The following USP19 variants were observed in gnomAD, a reference collection of about 807,000 sequenced individuals.
The protein encoded by USP19 is ubiquitin specific peptidase 19, also known as ubiquitin carboxyl-terminal hydrolase 19.
In USP19, 40 loss-of-function variants were observed where a neutral mutation model predicts 144.8. That is an observed-to-expected ratio of 0.28 (90% CI 0.21 to 0.36). The LOEUF (loss-of-function observed/expected upper bound fraction) is 0.36. Ranked by LOEUF, USP19 falls within the 10% of genes least tolerant of loss-of-function variation. The pLI is 1.00. For synonymous variants in USP19, 701 were observed against 709.3 expected, an observed-to-expected ratio of 0.99 and a Z score of 0.19; for missense variants, 1,518 against 1,822.5, an observed-to-expected ratio of 0.83 and a Z score of 3.04.
intron 2 of USP19, among the ~76,000 whole-genome samples, chr3:49,118,812 A>G (rs963791287): frequency 6.6e-6 from 1 of 152,176 alleles, no homozygotes; most frequent in African/African-American, 2.4e-5. Context: ...AAAGAAGGCA[A>G]GCCCCCCAAC....
chr3:49,116,603 G>A lies in USP19; in HGVS notation c.1131C>T (p.Pro377=), dbSNP rs765357414. The A allele has an allele frequency of 1.1e-5, 17 of 1,613,908 alleles. No homozygotes were observed. The highest frequency in any genetic ancestry group is 8.3e-5 in the Admixed American group (5 of 59,988). ...AADAATLVDE[P]ESMVNLAFVK... is the part of the protein sequence containing the mutation. The stretch of plus-strand genomic sequence containing the variant: ...CAAACGCCAGGTTCACCATCGACTC[G>A]GGCTCTATATTGAGACCATGGCTCA... Residue 377 remains proline (P), a synonymous_variant, in exon 8 of 27, where the codon CCC becomes CCT. Transcript: ENST00000417901. This position sits in a 1 kb window ranked among gnomAD's most constrained non-coding sequence, Gnocchi z 5.0.
Position 49,114,203 on chromosome 3 carries a change from C to G in USP19, c.2374G>C (p.Ala792Pro). 1 of 1,614,128 alleles carries G rather than the reference C, an allele frequency of 6.2e-7. No homozygotes were observed. The highest frequency in any genetic ancestry group is 8.5e-7 in the Non-Finnish European group (1 of 1,180,014). ...KQKVLPVFYF[A>P]REPHSKPIKF... is the part of the protein sequence containing the mutation. Reference sequence around the variant, plus strand: ...ATGGGCTTGCTGTGGGGCTCTCGGGCAAAATAAAAGACAGGGAGAACCTTT... The same window carrying G: ...ATGGGCTTGCTGTGGGGCTCTCGGGGAAAATAAAAGACAGGGAGAACCTTT... Residue 792 changes from alanine (A) to proline (P), a missense_variant, in exon 16 of 27, where the codon GCC becomes CCC. By Grantham distance (27) the Ala-to-Pro change is conservative. Around this residue, in one of 5 missense-constraint regions of USP19, gnomAD observed 413 missense variants for 515.8 expected, o/e 0.80. Transcript: ENST00000417901. This position sits in a 1 kb window ranked among gnomAD's most constrained non-coding sequence, Gnocchi z 4.5.
Position 49,114,074 on chromosome 3 carries a change from T to C in USP19, c.2423A>G (p.Lys808Arg). 1 of 1,614,248 alleles carries C rather than the reference T, an allele frequency of 6.2e-7. No homozygotes were observed. Among genetic ancestry groups the C allele is most frequent in the South Asian group, 1.1e-5 (1 of 91,088 alleles). Reference sequence around the variant, plus strand: ...TACTTCGCTCGCAGTGGAGTTCTCCTTGCTGACGCTCACCAGGAACTGTGG... The same window carrying C: ...TACTTCGCTCGCAGTGGAGTTCTCCCTGCTGACGCTCACCAGGAACTGTGG... The part of the protein sequence containing the change: ...KPIKFLVSVS[K>R]ENSTASEVLD... The change falls in exon 17 of 27, where the codon AAG becomes AGG. Residue 808 changes from lysine (K) to arginine (R), a missense_variant. Coordinates refer to ENST00000417901, the MANE Select transcript of USP19 (RefSeq NM_001199161.2). This position sits in a 1 kb window ranked among gnomAD's most constrained non-coding sequence, Gnocchi z 4.5.
Position 49,117,911 on chromosome 3 carries a change from C to T in USP19, c.298+36G>A. ...GAGCCAAATTGCAAGTGCCCCCTCC[C>T]CTTCCCTAGCAACAAAAAGCCCATT... On this transcript the variant is annotated intron_variant, in intron 3 of 26. Transcript: ENST00000417901. The surrounding 1 kb of genome is among the most constrained non-coding windows in gnomAD (Gnocchi z 4.4). 2 of 1,613,204 alleles carry T rather than the reference C, an allele frequency of 1.2e-6. No homozygotes were observed. Among genetic ancestry groups the T allele is most frequent in the Non-Finnish European group, 1.7e-6 (2 of 1,179,802 alleles).
chr3:49,111,912 G>A lies in USP19; in HGVS notation c.2902C>T (p.Arg968Trp), dbSNP rs779025054. The A allele has an allele frequency of 5.6e-6, 9 of 1,613,976 alleles. No homozygotes were observed. Among genetic ancestry groups the A allele is most frequent in the African/African-American group, 1.3e-5 (1 of 75,052 alleles). The change falls in exon 20 of 27, where the codon CGG (arginine) becomes TGG (tryptophan). Residue 968 changes from arginine (R) to tryptophan (W), a missense_variant and splice_region_variant. Arg to Trp is a moderately radical substitution (Grantham distance 101). Around this residue, in one of 5 missense-constraint regions of USP19, gnomAD observed 413 missense variants for 515.8 expected, o/e 0.80. Coordinates refer to ENST00000417901, the MANE Select transcript of USP19 (RefSeq NM_001199161.2). This position sits in a 1 kb window ranked among gnomAD's most constrained non-coding sequence, Gnocchi z 5.9. Reference protein sequence around the residue: ...RLAQLLEGYARYSVSVFQPPF... With the variant: ...RLAQLLEGYAWYSVSVFQPPF... ...CTAGTCCAACCACTGGGCACTTACCGGGCATAGCCCTCTAGCAACTGAGCG... is the reference window on the plus strand; with the variant it reads ...CTAGTCCAACCACTGGGCACTTACCAGGCATAGCCCTCTAGCAACTGAGCG...
At position 49,115,043 on chromosome 3, in the gene USP19, C is replaced by G; in HGVS notation, c.2097G>C (p.Leu699=). Reference sequence around the variant, plus strand: ...TCAGGTCCTCGTGCAGCCCATCCAGCAGGAAAGCCATGAACTCCTGGGCAT... The same window carrying G: ...TCAGGTCCTCGTGCAGCCCATCCAGGAGGAAAGCCATGAACTCCTGGGCAT... ...QHDAQEFMAF[L]LDGLHEDLNR... Residue 699 remains leucine, a synonymous_variant, in exon 14 of 27, where the codon CTG becomes CTC. Transcript: ENST00000417901. This position sits in a 1 kb window ranked among gnomAD's most constrained non-coding sequence, Gnocchi z 6.6. 6.2e-7 allele frequency: 1 copy of G among 1,614,212 alleles called. No individual in the cohort carries two copies. Among genetic ancestry groups the G allele is most frequent in the South Asian group, 1.1e-5 (1 of 91,084 alleles).
intron 1 of USP19, 29 bp from the exon 2 acceptor site, chr3:49,119,310 C>G (rs2044730009): frequency 3.5e-6 from 3 of 865,672 alleles, no homozygotes; most frequent in Admixed American, 6.1e-5. Flanking sequence ...TGATCACTGC[C>G]AAGACCCAAC....
rs778948716 is a variant in USP19, at chr3:49,115,876, C to A, written c.1540G>T (p.Gly514Cys). 3.8e-6 allele frequency: 6 copies of A among 1,598,962 alleles called. No homozygotes were observed. Residue 514 changes from glycine to cysteine, a missense_variant, in exon 11 of 27, where the codon GGT becomes TGT. Gly to Cys is a radical substitution (Grantham distance 159, BLOSUM62 -3). Coordinates refer to ENST00000417901, the MANE Select transcript of USP19 (RefSeq NM_001199161.2). This position sits in a 1 kb window ranked among gnomAD's most constrained non-coding sequence, Gnocchi z 6.6. ...PTPLDSTPPG[G>C]APHPLTGQEE... The stretch of plus-strand genomic sequence containing the variant: ...TGGCCTGTCAGGGGGTGGGGAGCAC[C>A]TCCTGGTGGGGTTGAATCCAGAGGG...
intron 1 of USP19, 98 bp downstream of exon 1, chr3:49,120,658 G>T: frequency 5.9e-6 from 1 of 170,466 alleles, no homozygotes; most frequent in Non-Finnish European, 1.2e-5. Context: ...TAGGGGTAGG[G>T]ACTGGCACGG....
At position 49,110,420 on chromosome 3, in the gene USP19, C is replaced by T. The variant is rs368907600; in HGVS notation, c.3859+24G>A. On this transcript the variant is annotated intron_variant, in intron 25 of 26. Coordinates refer to ENST00000417901, the MANE Select transcript of USP19 (RefSeq NM_001199161.2). The surrounding 1 kb of genome is among the most constrained non-coding windows in gnomAD (Gnocchi z 6.1). ...CTGCACCACCACCCCTACCACCTAT[C>T]CTGCTGGCTGTGTGTGCCCTCACCC... 2 of 1,611,568 alleles carry T rather than the reference C, an allele frequency of 1.2e-6. No homozygotes were observed. Among genetic ancestry groups the T allele is most frequent in the Non-Finnish European group, 8.5e-7 (1 of 1,178,466 alleles).
rs759496274 is a variant in USP19 at position 49,119,070 on chromosome 3, GCTT to G, written c.73_75del (p.Lys25del). ...CTCTCCTGGTTTGCTCGATCCTTCT[GCTT>G]CTTCTTACTAGTGGTGTCCTCCAGT... On this transcript the variant is annotated inframe_deletion, in exon 2 of 27. Transcript: ENST00000417901. 6.3e-5 allele frequency: 101 copies of G among 1,614,158 alleles called. 1 individual carries two copies. The East Asian group carries it at 1.2e-3, about 19-fold the overall frequency.
chr3:49,119,584 G>A (rs959284557), intron 1 of USP19, among the ~76,000 whole-genome samples: 6 of 152,240 alleles, frequency 3.9e-5, no homozygotes, highest in African/African-American at 9.6e-5. Flanking sequence ...ATCTGGAGAG[G>A]AGCCACGGCT....
chr3:49,118,269 A>G (rs886932423), intron 2 of USP19, 149 bp from the exon 3 acceptor site: 1 of 266,456 alleles, frequency 3.8e-6, no homozygotes, highest in African/African-American at 2.3e-5. Flanking sequence ...CTGCCTTTAA[A>G]AAAAAAAAAA....
In USP19 at chr3:49,111,555, A is replaced by G. The variant is rs1156688542; in HGVS notation, c.3162T>C (p.Ser1054=). The change falls in exon 21 of 27, where the codon AGT becomes AGC. Residue 1054 remains serine (S), a synonymous_variant. Transcript: ENST00000417901. This position sits in a 1 kb window ranked among gnomAD's most constrained non-coding sequence, Gnocchi z 5.9. Reference sequence around the variant, plus strand: ...GCAAGGAGCCAACCTCAATGGGCCCACTGGCCAGCATCTCAGAAGAAATTC... The same window carrying G: ...GCAAGGAGCCAACCTCAATGGGCCCGCTGGCCAGCATCTCAGAAGAAATTC... ...TSGISSEMLA[S]GPIEVGSLPA... The G allele has an allele frequency of 6.2e-7, 1 of 1,612,754 alleles. No individual in the cohort carries two copies. The highest frequency in any genetic ancestry group is 1.1e-5 in the South Asian group (1 of 91,066).
Position 49,110,814 on chromosome 3 carries a change from G to C in USP19, c.3595C>G (p.Leu1199Val). 6.2e-7 allele frequency: 1 copy of C among 1,614,224 alleles called. No individual in the cohort carries two copies. The highest frequency in any genetic ancestry group is 8.5e-7 in the Non-Finnish European group (1 of 1,180,048). ...QHREASKQLL[L>V]WRLPNVLIVQ... ...ATGAGAACATTTGGCAGGCGCCATA[G>C]CAACAGCTGCTTGGAGGCCTCACGG... Residue 1199 changes from leucine (L) to valine (V), a missense_variant, in exon 24 of 27, where the codon CTA becomes GTA. Leu to Val is a conservative substitution (Grantham distance 32). Coordinates refer to ENST00000417901, the MANE Select transcript of USP19 (RefSeq NM_001199161.2). This position sits in a 1 kb window ranked among gnomAD's most constrained non-coding sequence, Gnocchi z 6.1.
Position 49,114,958 on chromosome 3 carries a change from C to T in USP19, c.2181+1G>A. On this transcript the variant is annotated splice_donor_variant, in intron 14 of 26. Coordinates refer to ENST00000417901, the MANE Select transcript of USP19 (RefSeq NM_001199161.2). LOFTEE classifies it high-confidence loss of function. The surrounding 1 kb of genome is among the most constrained non-coding windows in gnomAD (Gnocchi z 4.5). ...GCCCACCCTCTGTCCCTAACCCTGA[C>T]CTCATCGGGCCGCCCATCTGAATCC... 6.2e-7 allele frequency: 1 copy of T among 1,614,182 alleles called. No homozygotes were observed. The highest frequency in any genetic ancestry group is 8.5e-7 in the Non-Finnish European group (1 of 1,180,032).
In USP19 at chr3:49,108,459, CAGG is replaced by C; in HGVS notation, c.4105_4107del (p.Pro1369del). 7.4e-7 allele frequency: 1 copy of C among 1,357,408 alleles called. No homozygotes were observed. Among genetic ancestry groups the C allele is most frequent in the South Asian group, 1.8e-5 (1 of 56,908 alleles). 84.1% of individuals were successfully genotyped at this position (1,357,408 alleles called of 1,614,324 possible). A position where few individuals can be genotyped will look rare whatever the true frequency, so the allele number is the denominator to read the frequency against. ...CTGTAGGTGGGGGCTGGCCGATCCA[CAGG>C]GGGGGCGAAGCGTTCAGGGGCTGTC... On this transcript the variant is annotated inframe_deletion, in exon 27 of 27. Transcript: ENST00000417901. The surrounding 1 kb of genome is among the most constrained non-coding windows in gnomAD (Gnocchi z 4.8).
Position 49,110,418 on chromosome 3 carries a change from A to G in USP19, c.3859+26T>C. 4 of 1,611,676 alleles carry G rather than the reference A, an allele frequency of 2.5e-6. No homozygotes were observed. Among genetic ancestry groups the G allele is most frequent in the African/African-American group, 1.3e-5 (1 of 75,016 alleles). On this transcript the variant is annotated intron_variant, in intron 25 of 26. Coordinates refer to ENST00000417901, the MANE Select transcript of USP19 (RefSeq NM_001199161.2). The surrounding 1 kb of genome is among the most constrained non-coding windows in gnomAD (Gnocchi z 6.1). ...GTCTGCACCACCACCCCTACCACCT[A>G]TCCTGCTGGCTGTGTGTGCCCTCAC...
At position 49,110,426 on chromosome 3, in the gene USP19, G is replaced by T. The variant is rs1450334010; in HGVS notation, c.3859+18C>A. On this transcript the variant is annotated intron_variant, in intron 25 of 26. Transcript: ENST00000417901. The surrounding 1 kb of genome is among the most constrained non-coding windows in gnomAD (Gnocchi z 6.1). Reference sequence around the variant, plus strand: ...CACCACCCCTACCACCTATCCTGCTGGCTGTGTGTGCCCTCACCCACGTCA... The same window carrying T: ...CACCACCCCTACCACCTATCCTGCTTGCTGTGTGTGCCCTCACCCACGTCA... The T allele has an allele frequency of 6.2e-7, 1 of 1,612,644 alleles. No homozygotes were observed. Among genetic ancestry groups the T allele is most frequent in the Non-Finnish European group, 8.5e-7 (1 of 1,179,138 alleles).
Sources: allele counts gnomAD v4.1 joint callset (sites outside exome capture counted in the v4.1 genomes callset), GRCh38; gene constraint gnomAD v4.1.1; regional missense constraint gnomAD v4.1.1; non-coding constraint Gnocchi (gnomAD v3.1); transcripts MANE v1.5; gene names NCBI Gene and HGNC (gene_info 2026-07-23, HGNC 2026-07-21).